The following RASSF3 variants were observed in gnomAD, a reference collection of about 807,000 sequenced individuals.
RASSF3 encodes Ras association domain family member 3, also known as ras association domain-containing protein 3.
In RASSF3, 19 loss-of-function variants were observed where a neutral mutation model predicts 19.9. That is an observed-to-expected ratio of 0.96 (90% CI 0.67 to 1.40). The LOEUF (loss-of-function observed/expected upper bound fraction) is 1.40, where lower values mean the gene tolerates loss of function less well. RASSF3 is among the 40% of genes most tolerant of loss of function. The probability of loss-of-function intolerance (pLI) is 0.00; values close to 1 mark genes in which losing one functional copy is unlikely to be tolerated. For synonymous variants in RASSF3, 110 were observed against 104.2 expected, an observed-to-expected ratio of 1.06 and a Z score of -0.34; for missense variants, 306 against 289.8, an observed-to-expected ratio of 1.06 and a Z score of -0.41.
intron 1 of RASSF3, among the ~76,000 whole-genome samples, chr12:64,623,187 T>C (rs1438940799): frequency 3.3e-5 from 5 of 152,124 alleles, no homozygotes; most frequent in Non-Finnish European, 7.4e-5. Flanking sequence ...AGCAAAGTCA[T>C]AGGAGCAAAA....
intron 1 of RASSF3, among the ~76,000 whole-genome samples, chr12:64,680,472 A>ATATT (rs1873081759): frequency 6.6e-6 from 1 of 152,040 alleles, no homozygotes; most frequent in South Asian, 2.1e-4. Context: ...TACCTGGCAC[A>ATATT]TGGCAGAAGC....
At position 64,551,094 on chromosome 12, in the gene RASSF3, A is replaced by G. The variant is rs566307814; in HGVS notation, c.294+9389A>G. On this transcript the variant is annotated intron_variant, in intron 2 of 5. Coordinates refer to the RASSF3 transcript ENST00000637125. Reference sequence around the variant, plus strand: ...CAGAGACCAGAGGAAGATGTTAGGAATATCCATAACCCCCAAAGATGGCCA... The same window carrying G: ...CAGAGACCAGAGGAAGATGTTAGGAGTATCCATAACCCCCAAAGATGGCCA... Among the ~76,000 whole-genome samples the G allele has an allele frequency of 2.4e-4, 37 of 152,260 alleles. 1 individual carries two copies. The highest frequency in any genetic ancestry group is 8.7e-4 in the African/African-American group (36 of 41,542).
upstream of RASSF3, among the ~76,000 whole-genome samples, chr12:64,529,700 A>C (rs960513554): frequency 2.0e-5 from 3 of 152,154 alleles, no homozygotes; most frequent in African/African-American, 7.2e-5. Flanking sequence ...TGAGCCAATA[A>C]ATTCCCTTAT....
At chr12:64,622,834 T>G (rs1870832194) in intron 1 of RASSF3, among the ~76,000 whole-genome samples, 1 of 151,958 alleles carries the variant, frequency 6.6e-6, no homozygotes, top group South Asian at 2.1e-4. Context: ...TTTCTTTTTT[T>G]TTTTGAGATG....
chr12:64,571,185 T>C (rs147705406), intron 2 of RASSF3, among the ~76,000 whole-genome samples: 2 of 152,126 alleles, frequency 1.3e-5, no homozygotes, highest in East Asian at 1.9e-4. Context: ...CACTCCAACC[T>C]GGGCAACAAG....
intron 2 of RASSF3, among the ~76,000 whole-genome samples, chr12:64,578,040 GA>G (rs1398630008): frequency 2.6e-5 from 4 of 151,822 alleles, no homozygotes; most frequent in Admixed American, 6.6e-5. Context: ...CCAACTTGGT[GA>G]AACCCCATCT....
chr12:64,646,488 A>G (rs747677325), intron 1 of RASSF3, among the ~76,000 whole-genome samples: 11 of 152,240 alleles, frequency 7.2e-5, no homozygotes, highest in Non-Finnish European at 1.3e-4. Flanking sequence ...ATGAAGATGA[A>G]TAACCAATAC....
chr12:64,670,132 G>A (rs1215160044), intron 1 of RASSF3, among the ~76,000 whole-genome samples: 1 of 151,414 alleles, frequency 6.6e-6, no homozygotes, highest in Non-Finnish European at 1.5e-5. Flanking sequence ...CAGCTTCCAC[G>A]TGTCATCTCT....
rs1869281844 is a variant in RASSF3, at chr12:64,558,005, C to T, written c.294+16300C>T. ...GGCTTTTTGGGCAGAAAACCAAACA[C>T]ATACTCAGAATATATATCTATCCCT... On this transcript the variant is annotated intron_variant, in intron 2 of 5. Coordinates refer to the RASSF3 transcript ENST00000637125. Among the ~76,000 whole-genome samples the T allele has an allele frequency of 4.6e-5, 7 of 152,272 alleles. No individual in the cohort carries two copies. In the South Asian group the frequency reaches 1.4e-3, roughly 32 times the overall value.
At chr12:64,663,029 G>A (rs1325318936) in intron 1 of RASSF3, among the ~76,000 whole-genome samples, 2 of 152,122 alleles carry the variant, frequency 1.3e-5, no homozygotes, top group Non-Finnish European at 2.9e-5. Flanking sequence ...GTTATAAAAC[G>A]CAGACCTTTA....
At chr12:64,661,677 CTTTTTTT>C (rs71092993) in intron 1 of RASSF3, among the ~76,000 whole-genome samples, 27 of 79,000 alleles carry the variant, frequency 3.4e-4, no homozygotes, top group African/African-American at 5.3e-4. Flanking sequence ...TTTTCTTTTT[CTTTTTTT>C]TTTTTTTTTT....
chr12:64,684,924 C>A, intron 2 of RASSF3, 30 bp downstream of exon 2: 1 of 1,269,652 alleles, frequency 7.9e-7, no homozygotes, highest in Non-Finnish European at 1.2e-6. Context: ...TTTAGGTTGA[C>A]ACCTGTCAAA....
chr12:64,533,115 G>A (rs1437891993), upstream of RASSF3, among the ~76,000 whole-genome samples: 1 of 152,144 alleles, frequency 6.6e-6, no homozygotes, highest in Non-Finnish European at 1.5e-5. Flanking sequence ...GTGACCACTT[G>A]GAAAAATACA....
intron 3 of RASSF3, among the ~76,000 whole-genome samples, chr12:64,689,788 A>ATTATTTTTTTTTTTTT (rs1285995154): frequency 2.3e-5 from 1 of 42,926 alleles, no homozygotes; most frequent in East Asian, 5.3e-4. Context: ...TAATTCGCTA[A>ATTATTTTTTTTTTTTT]TTCTTTTTTT....
intron 2 of RASSF3, among the ~76,000 whole-genome samples, chr12:64,687,391 A>G (rs1156900231): frequency 6.6e-6 from 1 of 152,164 alleles, no homozygotes; most frequent in East Asian, 1.9e-4. Context: ...TAATTCTACC[A>G]TCAGTGAAGG....
intron 1 of RASSF3, among the ~76,000 whole-genome samples, chr12:64,657,010 T>G (rs1872180392): frequency 7.3e-6 from 1 of 136,858 alleles, no homozygotes; most frequent in African/African-American, 2.6e-5. Context: ...TAGTATAGTT[T>G]CTTTTTTTTT....
intron 1 of RASSF3, among the ~76,000 whole-genome samples, chr12:64,658,454 G>A (rs1453045866): frequency 2.6e-5 from 4 of 152,168 alleles, no homozygotes; most frequent in Admixed American, 2.0e-4. Flanking sequence ...ATGTTTTTGC[G>A]CTTTGTAAGC....
chr12:64,688,597 G>A, intron 3 of RASSF3, 144 bp downstream of exon 3: 1 of 705,610 alleles, frequency 1.4e-6, no homozygotes, highest in Non-Finnish European at 2.5e-6. Flanking sequence ...GGTGATCTTA[G>A]CATGCACTTA....
At chr12:64,660,378 A>T (rs926666329) in intron 1 of RASSF3, among the ~76,000 whole-genome samples, 1 of 152,136 alleles carries the variant, frequency 6.6e-6, no homozygotes, top group African/African-American at 2.4e-5. Flanking sequence ...CCACTATACT[A>T]GGCACTCTAA....
Sources: gnomAD v4.1 joint callset for allele counts (sites outside exome capture counted in the v4.1 genomes callset) on GRCh38, gnomAD v4.1.1 for gene constraint, MANE v1.5 for transcripts, NCBI Gene and HGNC (gene_info 2026-07-23, HGNC 2026-07-21) for gene names.